The following SGCZ variants were observed in gnomAD, a reference collection of about 807,000 sequenced individuals.
SGCZ encodes sarcoglycan zeta.
Under a neutral mutation model 41.3 loss-of-function variants are expected in SGCZ, and 40 were observed. That is an observed-to-expected ratio of 0.97 (90% CI 0.75 to 1.26). SGCZ has a LOEUF of 1.26. Among genes scored for constraint, SGCZ ranks in the 50% most tolerant of loss-of-function variants. The pLI is 0.00. For missense variants in SGCZ, 552 were observed against 369.8 expected, an observed-to-expected ratio of 1.49 and a Z score of -4.04; for synonymous variants, 206 against 137.5, an observed-to-expected ratio of 1.50 and a Z score of -3.49.
chr8:14,218,094 T>C (rs1563192147), intron 4 of SGCZ, among the ~76,000 whole-genome samples: 1 of 152,182 alleles, frequency 6.6e-6, no homozygotes, highest in Non-Finnish European at 1.5e-5. Flanking sequence ...TTGACCACTC[T>C]ACTTAACTTT....
intron 2 of SGCZ, among the ~76,000 whole-genome samples, chr8:14,391,668 G>C (rs980063258): frequency 6.6e-6 from 1 of 152,052 alleles, no homozygotes; most frequent in Non-Finnish European, 1.5e-5. Context: ...TTATGTGATC[G>C]CTTGGATTTA....
chr8:14,193,040 C>A (rs1339580900), intron 4 of SGCZ, among the ~76,000 whole-genome samples: 1 of 151,944 alleles, frequency 6.6e-6, no homozygotes, highest in East Asian at 1.9e-4. Flanking sequence ...GAATGGGATA[C>A]TTTTCCCAAA....
intron 1 of SGCZ, among the ~76,000 whole-genome samples, chr8:14,972,389 T>C (rs920072660): frequency 5.3e-5 from 8 of 152,190 alleles, no homozygotes; most frequent in Non-Finnish European, 8.8e-5. Context: ...GTTAACTTAG[T>C]TGTGCCTTCA....
chr8:14,471,021 T>G (rs1801200220), intron 2 of SGCZ, among the ~76,000 whole-genome samples: 1 of 152,168 alleles, frequency 6.6e-6, no homozygotes, highest in African/African-American at 2.4e-5. Flanking sequence ...CAAGAAAACC[T>G]GCTTTCATTT....
At chr8:14,793,640 G>A (rs918930759) in intron 1 of SGCZ, among the ~76,000 whole-genome samples, 1 of 152,040 alleles carries the variant, frequency 6.6e-6, no homozygotes, top group African/African-American at 2.4e-5. Flanking sequence ...TGTACACCCA[G>A]GAACTTTAGG....
intron 1 of SGCZ, among the ~76,000 whole-genome samples, chr8:14,697,365 A>G (rs1429709333): frequency 1.3e-5 from 2 of 152,042 alleles, no homozygotes; most frequent in Admixed American, 6.6e-5. Flanking sequence ...AGGGGATTAA[A>G]TGAAACAATT....
chr8:14,609,174 T>C (rs1160170056), intron 1 of SGCZ, among the ~76,000 whole-genome samples: 1 of 152,182 alleles, frequency 6.6e-6, no homozygotes, highest in Non-Finnish European at 1.5e-5. Context: ...TAGATTCCCT[T>C]TGAGATTGTA....
chr8:14,907,968 A>G (rs1187419876), intron 1 of SGCZ, among the ~76,000 whole-genome samples: 1 of 152,208 alleles, frequency 6.6e-6, no homozygotes, highest in Non-Finnish European at 1.5e-5. Context: ...GGGCAGTCTG[A>G]ACAAGGAAAA....
chr8:14,923,726 C>T (rs1189905836), intron 1 of SGCZ, among the ~76,000 whole-genome samples: 2 of 152,116 alleles, frequency 1.3e-5, no homozygotes, highest in Non-Finnish European at 2.9e-5. Context: ...TCATTCTTTG[C>T]CGTATGCTTA....
chr8:14,347,846 T>A (rs1802944475), intron 2 of SGCZ, among the ~76,000 whole-genome samples: 1 of 152,094 alleles, frequency 6.6e-6, no homozygotes, highest in South Asian at 2.1e-4. Context: ...ACCAAAGAAG[T>A]GAACGAAATA....
At chr8:14,101,284 A>G (rs1230040601) in intron 7 of SGCZ, among the ~76,000 whole-genome samples, 1 of 132,018 alleles carries the variant, frequency 7.6e-6, no homozygotes, top group Non-Finnish European at 1.8e-5. Context: ...GAAACTGGGA[A>G]GGAGAGGGTA....
In SGCZ at chr8:14,840,236, T is replaced by G. The variant is rs1050764982; in HGVS notation, c.40-285310A>C. Among the ~76,000 whole-genome samples the G allele has an allele frequency of 2.0e-5, 3 of 152,264 alleles. No individual in the cohort carries two copies. In the South Asian group the frequency reaches 6.2e-4, roughly 32 times the overall value. On this transcript the variant is annotated intron_variant, in intron 1 of 7. Coordinates refer to ENST00000382080, the MANE Select transcript of SGCZ (RefSeq NM_139167.4). ...AAGAGAGATGAGTGTTAATCAGGGT[T>G]GCCAGTGAAGTCTCCTTGCCACCTA...
chr8:14,731,643 G>A (rs1933400299), intron 1 of SGCZ, among the ~76,000 whole-genome samples: 1 of 152,086 alleles, frequency 6.6e-6, no homozygotes, highest in Admixed American at 6.6e-5. Context: ...CTTGCTCTGT[G>A]TGTATGCCTC....
At chr8:14,127,362 G>A (rs1802893467) in intron 5 of SGCZ, among the ~76,000 whole-genome samples, 1 of 152,046 alleles carries the variant, frequency 6.6e-6, no homozygotes, top group African/African-American at 2.4e-5. Context: ...ATAAATGACT[G>A]TGTTTTGTCA....
chr8:14,339,830 G>A (rs1563266730), intron 2 of SGCZ, among the ~76,000 whole-genome samples: 1 of 151,704 alleles, frequency 6.6e-6, no homozygotes. Context: ...TAAAATTGAC[G>A]AATATATTGG....
chr8:15,230,668 G>A (rs923300888), intron 1 of SGCZ, among the ~76,000 whole-genome samples: 2 of 152,116 alleles, frequency 1.3e-5, no homozygotes, highest in Non-Finnish European at 2.9e-5. Context: ...CTGGTTGTGA[G>A]GTTTTTACCT....
intron 2 of SGCZ, among the ~76,000 whole-genome samples, chr8:14,446,796 T>C (rs1341276425): frequency 6.6e-6 from 1 of 152,172 alleles, no homozygotes; most frequent in African/African-American, 2.4e-5. Flanking sequence ...AACAAATGGA[T>C]AGTAAAAACT....
At chr8:14,707,818 A>T (rs1423215948) in intron 1 of SGCZ, among the ~76,000 whole-genome samples, 1 of 152,156 alleles carries the variant, frequency 6.6e-6, no homozygotes, top group Non-Finnish European at 1.5e-5. Flanking sequence ...ATAAATCACA[A>T]TTAATTTTTG....
intron 1 of SGCZ, among the ~76,000 whole-genome samples, chr8:15,225,317 A>T (rs966800420): frequency 6.6e-6 from 1 of 151,996 alleles, no homozygotes; most frequent in Admixed American, 6.6e-5. Context: ...ACAAAAAAAA[A>T]GATATATCTA....
Sources: allele counts gnomAD v4.1 joint callset (sites outside exome capture counted in the v4.1 genomes callset), GRCh38; gene constraint gnomAD v4.1.1; transcripts MANE v1.5; gene names NCBI Gene and HGNC (gene_info 2026-07-23, HGNC 2026-07-21).